The following APBA1 variants were observed in gnomAD, a reference collection of about 807,000 sequenced individuals.
The protein encoded by APBA1 is amyloid-beta A4 precursor protein-binding family A member 1.
APBA1 carries 55 observed loss-of-function variants against 86.6 expected under a neutral mutation model. The observed-to-expected ratio is 0.64, with a 90% CI of 0.51 to 0.80. The LOEUF (loss-of-function observed/expected upper bound fraction) is 0.80, where lower values mean the gene tolerates loss of function less well. Among genes scored for constraint, APBA1 ranks in the 30% least tolerant of loss-of-function variants. APBA1 has a pLI of 0.00. For missense variants in APBA1, 1,090 were observed against 1,183.0 expected, an observed-to-expected ratio of 0.92 and a Z score of 1.15; for synonymous variants, 511 against 493.9, an observed-to-expected ratio of 1.03 and a Z score of -0.46.
At chr9:69,611,304 A>AAAAAAAAAAAAAAC (rs1822584133) in intron 1 of APBA1, among the ~76,000 whole-genome samples, 1 of 141,718 alleles carries the variant, frequency 7.1e-6, no homozygotes, top group African/African-American at 2.7e-5. Context: ...AAAAAAAAAA[A>AAAAAAAAAAAAAAC]CAAAAAAAAA....
At chr9:69,521,735 G>A (rs1284457262) in intron 1 of APBA1, among the ~76,000 whole-genome samples, 1 of 152,112 alleles carries the variant, frequency 6.6e-6, no homozygotes, top group South Asian at 2.1e-4. Context: ...AGAAAGAGGT[G>A]GCCTTGTGAA....
At chr9:69,557,936 G>A (rs1050904631) in intron 1 of APBA1, among the ~76,000 whole-genome samples, 1 of 152,126 alleles carries the variant, frequency 6.6e-6, no homozygotes, top group Non-Finnish European at 1.5e-5. Flanking sequence ...TAGCACAAAG[G>A]TCACATTCAT....
rs139342553 is a variant in APBA1, at chr9:69,448,785, C to T, written c.2181+799G>A. Among the ~76,000 whole-genome samples, 116 of 152,270 alleles carry T rather than the reference C, an allele frequency of 7.6e-4. 1 individual carries two copies. The highest frequency in any genetic ancestry group is 3.4e-3 in the Middle Eastern group (1 of 294). ...TGGAATCTCAGTCTAGCTACAGTAC[C>T]GCAGCACTTGGTGCAGAGCTACTGG... is the stretch of plus-strand genomic sequence containing the variant. On this transcript the variant is annotated intron_variant, in intron 10 of 12. Coordinates refer to ENST00000265381, the MANE Select transcript of APBA1 (RefSeq NM_001163.4).
intron 1 of APBA1, among the ~76,000 whole-genome samples, chr9:69,552,277 T>C (rs1223122919): frequency 1.3e-5 from 2 of 152,264 alleles, no homozygotes; most frequent in Non-Finnish European, 2.9e-5. Context: ...AGCCTAGATA[T>C]GTCCTCCACC....
chr9:69,537,171 T>C (rs1469504770), intron 1 of APBA1, among the ~76,000 whole-genome samples: 2 of 151,872 alleles, frequency 1.3e-5, no homozygotes, highest in African/African-American at 2.4e-5. Flanking sequence ...TCTTTTTTTC[T>C]GGGTAGGAAG....
chr9:69,452,044 T>G, intron 9 of APBA1, 78 bp downstream of exon 9: 4 of 1,383,084 alleles, frequency 2.9e-6, no homozygotes, highest in Non-Finnish European at 4.1e-6. Flanking sequence ...TCCCTTCACT[T>G]CCGCGGCAGG....
At chr9:69,572,655 C>T (rs894547070) in intron 1 of APBA1, among the ~76,000 whole-genome samples, 1 of 152,176 alleles carries the variant, frequency 6.6e-6, no homozygotes, top group Non-Finnish European at 1.5e-5. Context: ...AGTCCTGGAG[C>T]CCCCAGTACA....
chr9:69,539,416 T>G (rs899681913), intron 1 of APBA1, among the ~76,000 whole-genome samples: 1 of 152,240 alleles, frequency 6.6e-6, no homozygotes, highest in African/African-American at 2.4e-5. Flanking sequence ...TAATCCTTTT[T>G]TTCATACCCT....
At chr9:69,636,922 G>GGAAAGAAAGAAAGAAAGAAAGAAA (rs1164309911) in intron 1 of APBA1, among the ~76,000 whole-genome samples, 1 of 63,968 alleles carries the variant, frequency 1.6e-5, no homozygotes, top group Non-Finnish European at 3.1e-5. Context: ...AAGGAAGGAA[G>GGAAAGAAAGAAAGAAAGAAAGAAA]GAAAGAAAGA....
At chr9:69,530,333 C>CAA (rs1836409793) in intron 1 of APBA1, among the ~76,000 whole-genome samples, 1 of 129,410 alleles carries the variant, frequency 7.7e-6, no homozygotes, top group African/African-American at 3.2e-5. Flanking sequence ...TATATATACA[C>CAA]ACACACACAC....
In APBA1 at chr9:69,484,467, C is replaced by T. The variant is rs527721648; in HGVS notation, c.1201-8324G>A. 1.1e-3 allele frequency among the ~76,000 whole-genome samples: 173 copies of T among 152,272 alleles called. 2 individuals are homozygous for T. Among genetic ancestry groups the T allele is most frequent in the African/African-American group, 3.9e-3 (162 of 41,572 alleles). Reference sequence around the variant, plus strand: ...CACTTCCCTGCAGACCCCGGGTGCTCTTGCCTTTGGCACATGCTTGAGCTC... The same window carrying T: ...CACTTCCCTGCAGACCCCGGGTGCTTTTGCCTTTGGCACATGCTTGAGCTC... On this transcript the variant is annotated intron_variant, in intron 2 of 12. Transcript: ENST00000265381.
chr9:69,460,582 CA>C (rs1489247550), intron 5 of APBA1: 1 of 151,938 alleles, frequency 6.6e-6, no homozygotes, highest in Non-Finnish European at 1.5e-5. Context: ...CAAAATTCTT[CA>C]ACTCTAGGGA....
At chr9:69,647,984 G>C (rs1006505767) in intron 1 of APBA1, among the ~76,000 whole-genome samples, 1 of 152,226 alleles carries the variant, frequency 6.6e-6, no homozygotes, top group Non-Finnish European at 1.5e-5. Flanking sequence ...GCAAGCTTTG[G>C]CTGTTGCTGC....
At chr9:69,501,605 C>A (rs1200410234) in intron 2 of APBA1, among the ~76,000 whole-genome samples, 1 of 150,198 alleles carries the variant, frequency 6.7e-6, no homozygotes, top group Non-Finnish European at 1.5e-5. Flanking sequence ...GCCTGGGCAA[C>A]ATAACAAGAC....
At chr9:69,566,251 A>C (rs769516712) in intron 1 of APBA1, among the ~76,000 whole-genome samples, 1 of 152,112 alleles carries the variant, frequency 6.6e-6, no homozygotes, top group Non-Finnish European at 1.5e-5. Flanking sequence ...CAACATTCTC[A>C]TGTGGAGGAT....
At chr9:69,517,311 G>A (rs1456192255) in intron 1 of APBA1, 32 bp from the exon 2 acceptor site, 15 of 1,396,834 alleles carry the variant, frequency 1.1e-5, no homozygotes, top group Non-Finnish European at 1.4e-5. Context: ...AGGCTGTCAC[G>A]TGGTGCAAAC....
At chr9:69,441,475 CTAT>C (rs1834823394) in intron 10 of APBA1, among the ~76,000 whole-genome samples, 1 of 152,214 alleles carries the variant, frequency 6.6e-6, no homozygotes, top group Non-Finnish European at 1.5e-5. Context: ...AGGAGGCACA[CTAT>C]TTCCCCCAGC....
At chr9:69,620,378 T>A (rs1822791818) in intron 1 of APBA1, among the ~76,000 whole-genome samples, 1 of 152,164 alleles carries the variant, frequency 6.6e-6, no homozygotes, top group Non-Finnish European at 1.5e-5. Context: ...TAGAGACTGA[T>A]GGTCAGAGAG....
intron 1 of APBA1, among the ~76,000 whole-genome samples, chr9:69,579,417 A>G (rs1821871108): frequency 6.6e-6 from 1 of 152,214 alleles, no homozygotes; most frequent in Non-Finnish European, 1.5e-5. Flanking sequence ...CTTTAACTAT[A>G]GGAGGAATGT....
Sources: gnomAD v4.1 joint callset for allele counts (sites outside exome capture counted in the v4.1 genomes callset) on GRCh38, gnomAD v4.1.1 for gene constraint, MANE v1.5 for transcripts, NCBI Gene and HGNC (gene_info 2026-07-23, HGNC 2026-07-21) for gene names.